Variants in WDPCP observed in about 807,000 individuals in gnomAD.
WDPCP encodes the protein WD repeat-containing and planar cell polarity effector protein fritz homolog.
A neutral mutation model predicts 93.1 loss-of-function variants in WDPCP; 71 were observed. That is an observed-to-expected ratio of 0.76 (90% CI 0.63 to 0.93). The LOEUF (loss-of-function observed/expected upper bound fraction) is 0.93. WDPCP is among the 40% of genes least tolerant of loss of function. The pLI is 0.00. For missense variants in WDPCP, 844 were observed against 887.4 expected, an observed-to-expected ratio of 0.95 and a Z score of 0.62; for synonymous variants, 315 against 315.0, an observed-to-expected ratio of 1.00 and a Z score of 0.00.
intron 2 of WDPCP, among the ~76,000 whole-genome samples, chr2:63,671,617 G>A (rs533303409): frequency 2.6e-5 from 4 of 151,692 alleles, no homozygotes; most frequent in East Asian, 3.9e-4. Context: ...GTGCGATCTC[G>A]GCTCACTGCA....
chr2:63,340,091 A>G (rs1688728745), intron 12 of WDPCP, among the ~76,000 whole-genome samples: 1 of 152,128 alleles, frequency 6.6e-6, no homozygotes, highest in Non-Finnish European at 1.5e-5. Flanking sequence ...ACGTCTTTGC[A>G]TTGAAGGATT....
At chr2:63,747,993 C>CAG (rs909533745) in intron 2 of WDPCP, among the ~76,000 whole-genome samples, 4 of 151,248 alleles carry the variant, frequency 2.6e-5, no homozygotes, top group Non-Finnish European at 4.4e-5. Context: ...AATATATATA[C>CAG]AGAGAGAGAG....
At chr2:63,684,428 C>A in intron 2 of WDPCP, 1 of 846,110 alleles carries the variant, frequency 1.2e-6, no homozygotes, top group Non-Finnish European at 2.0e-6. Flanking sequence ...ACAGCCACCT[C>A]TGGTGGCTGG....
At chr2:63,229,319 G>C (rs1678609401) in intron 14 of WDPCP, 1 of 152,122 alleles carries the variant, frequency 6.6e-6, no homozygotes, top group Non-Finnish European at 1.5e-5. Flanking sequence ...GTTCTTTGTA[G>C]ATTCTGGATA....
intron 12 of WDPCP, among the ~76,000 whole-genome samples, chr2:63,346,964 A>G (rs138689737): frequency 9.2e-5 from 14 of 152,312 alleles, no homozygotes; most frequent in African/African-American, 3.4e-4. Context: ...CATTTTGTCC[A>G]GTTTAATAAT....
At chr2:63,192,958 C>T (rs1256781043) in intron 14 of WDPCP, among the ~76,000 whole-genome samples, 1 of 152,088 alleles carries the variant, frequency 6.6e-6, no homozygotes, top group Admixed American at 6.5e-5. Flanking sequence ...TTAACAGAAA[C>T]CATTAAAATA....
chr2:63,440,038 G>A, intron 6 of WDPCP, 167 bp from the exon 7 acceptor site: 1 of 598,844 alleles, frequency 1.7e-6, no homozygotes, highest in Non-Finnish European at 3.0e-6. Context: ...GACATTGTGA[G>A]TAAAAAGAGA....
rs558084056 is a variant in WDPCP, at chr2:63,684,963, G to T, written n.309-34125C>A. ...AATGCAAAATACCAAAACCAATGGG[G>T]TACAGCAAAAGCAGTACTAGCAGGG... is the stretch of plus-strand genomic sequence containing the variant. On this transcript the variant is annotated intron_variant and non_coding_transcript_variant, in intron 2 of 4. Coordinates refer to the WDPCP transcript ENST00000467687. 2.0e-5 allele frequency among the ~76,000 whole-genome samples: 3 copies of T among 152,116 alleles called. No homozygotes were observed. The South Asian group carries it at 6.2e-4, about 32-fold the overall frequency.
intron 2 of WDPCP, among the ~76,000 whole-genome samples, chr2:63,708,243 G>C (rs1256413570): frequency 1.3e-5 from 2 of 152,206 alleles, no homozygotes; most frequent in Admixed American, 6.5e-5. Flanking sequence ...TACAGAGGCA[G>C]GCAGGCCTCC....
At chr2:63,204,019 C>A (rs541850006) in intron 14 of WDPCP, among the ~76,000 whole-genome samples, 32 of 152,310 alleles carry the variant, frequency 2.1e-4, no homozygotes, top group African/African-American at 7.5e-4. Context: ...CATGGGAGTG[C>A]AGATATCTCT....
chr2:63,235,610 A>G (rs1679322296), intron 14 of WDPCP, among the ~76,000 whole-genome samples: 2 of 152,126 alleles, frequency 1.3e-5, no homozygotes, highest in Non-Finnish European at 2.9e-5. Context: ...CAAAATTCTA[A>G]CACATCAAAT....
At chr2:63,365,224 G>A (rs1327065833) in intron 12 of WDPCP, among the ~76,000 whole-genome samples, 1 of 152,142 alleles carries the variant, frequency 6.6e-6, no homozygotes, top group African/African-American at 2.4e-5. Flanking sequence ...AGTCAATGTA[G>A]GTAATGTGCT....
chr2:63,215,551 A>G (rs1677249837), intron 14 of WDPCP, among the ~76,000 whole-genome samples: 1 of 152,232 alleles, frequency 6.6e-6, no homozygotes, highest in Non-Finnish European at 1.5e-5. Context: ...CTTATACAAA[A>G]ATTAATTCAA....
At chr2:63,579,194 A>C (rs1286647464) in intron 1 of WDPCP, among the ~76,000 whole-genome samples, 1 of 152,250 alleles carries the variant, frequency 6.6e-6, no homozygotes, top group Admixed American at 6.5e-5. Flanking sequence ...TGGACTAGGA[A>C]TGGGCACCTC....
intron 6 of WDPCP, among the ~76,000 whole-genome samples, chr2:63,456,669 C>A (rs1575455146): frequency 6.6e-6 from 1 of 152,024 alleles, no homozygotes; most frequent in East Asian, 1.9e-4. Context: ...AAGATCAGAG[C>A]AAAACTAAAC....
At chr2:63,736,292 A>G (rs1669639908) in intron 2 of WDPCP, among the ~76,000 whole-genome samples, 1 of 152,252 alleles carries the variant, frequency 6.6e-6, no homozygotes, top group Non-Finnish European at 1.5e-5. Flanking sequence ...AATAGCAAAC[A>G]AAAAATATGA....
At chr2:63,175,489 C>T (rs1453627397) in intron 14 of WDPCP, among the ~76,000 whole-genome samples, 1 of 151,838 alleles carries the variant, frequency 6.6e-6, no homozygotes, top group Non-Finnish European at 1.5e-5. Flanking sequence ...CATTTTAAAG[C>T]ATACAGTTCA....
At chr2:63,224,228 A>G (rs1249397536) in intron 14 of WDPCP, among the ~76,000 whole-genome samples, 1 of 152,056 alleles carries the variant, frequency 6.6e-6, no homozygotes, top group Non-Finnish European at 1.5e-5. Context: ...GGATGGCCAA[A>G]ATCTAGCACA....
chr2:63,232,373 G>GAGA (rs1310709367), intron 14 of WDPCP: 1 of 152,176 alleles, frequency 6.6e-6, no homozygotes, highest in Non-Finnish European at 1.5e-5. Context: ...TTTAACAGAA[G>GAGA]AGAAGATCCT....
Sources: gnomAD v4.1 joint callset for allele counts (sites outside exome capture counted in the v4.1 genomes callset) on GRCh38, gnomAD v4.1.1 for gene constraint, MANE v1.5 for transcripts, NCBI Gene and HGNC (gene_info 2026-07-23, HGNC 2026-07-21) for gene names.